The following DOCK4 variants were observed in gnomAD, a reference collection of about 807,000 sequenced individuals.
DOCK4 encodes the protein dedicator of cytokinesis 4.
A neutral mutation model predicts 268.1 loss-of-function variants in DOCK4; 97 were observed. The observed-to-expected ratio is 0.36, with a 90% CI of 0.31 to 0.43. DOCK4 has a LOEUF of 0.43. Among genes scored for constraint, DOCK4 ranks in the 20% least tolerant of loss-of-function variants. The pLI is 1.00. For synonymous variants in DOCK4, 954 were observed against 887.2 expected, an observed-to-expected ratio of 1.08 and a Z score of -1.34; for missense variants, 2,145 against 2,455.7, an observed-to-expected ratio of 0.87 and a Z score of 2.67.
chr7:112,039,218 T>C (rs541648384), intron 1 of DOCK4, among the ~76,000 whole-genome samples: 5 of 152,288 alleles, frequency 3.3e-5, no homozygotes, highest in African/African-American at 1.2e-4. Flanking sequence ...GATGTCGGAA[T>C]TGTCTCCAAC....
chr7:111,943,581 C>T (rs1261864254), intron 10 of DOCK4, among the ~76,000 whole-genome samples: 2 of 152,196 alleles, frequency 1.3e-5, no homozygotes, highest in Non-Finnish European at 2.9e-5. Flanking sequence ...ACTACCTCTG[C>T]CATCCTGAGA....
intron 1 of DOCK4, among the ~76,000 whole-genome samples, chr7:112,120,410 G>T (rs2115883580): frequency 6.6e-6 from 1 of 152,104 alleles, no homozygotes; most frequent in Non-Finnish European, 1.5e-5. Context: ...ACAAATTTTG[G>T]GTGAGGTTTA....
rs1327897334 is a variant in DOCK4, at chr7:111,989,844, T to C, written c.316-681A>G. Among the ~76,000 whole-genome samples, 4 of 152,360 alleles carry C rather than the reference T, an allele frequency of 2.6e-5. No individual in the cohort carries two copies. The South Asian group carries it at 6.2e-4, about 24-fold the overall frequency. ...AAATCCTGGTTTTGTCACTTACTAG[T>C]GGTACAGACTTTAAGTACCAATTTT... On this transcript the variant is annotated intron_variant, in intron 5 of 52. Coordinates refer to ENST00000428084, the MANE Select transcript of DOCK4 (RefSeq NM_001363540.2).
chr7:111,758,802 G>C lies in DOCK4; in HGVS notation c.4163-12C>G, dbSNP rs1797200201. On this transcript the variant is annotated splice_polypyrimidine_tract_variant and intron_variant, in intron 40 of 52. Transcript: ENST00000428084. ...ATATATCTGCAAATCTAGGATTCAA[G>C]AGTCAAGGAGAGAACCTGACTTGGC... 1.2e-6 allele frequency: 2 copies of C among 1,612,822 alleles called. No individual in the cohort carries two copies. The highest frequency in any genetic ancestry group is 2.2e-5 in the South Asian group (2 of 90,822).
At chr7:111,772,290 T>TA (rs1236934961) in intron 36 of DOCK4, among the ~76,000 whole-genome samples, 1 of 152,132 alleles carries the variant, frequency 6.6e-6, no homozygotes, top group African/African-American at 2.4e-5. Flanking sequence ...CATACGCCTG[T>TA]AGTCCCAGCT....
rs570801961 is a variant in DOCK4 at position 112,063,471 on chromosome 7, C to A, written c.38-59340G>T. 8.5e-5 allele frequency among the ~76,000 whole-genome samples: 13 copies of A among 152,276 alleles called. 1 individual carries two copies. In the Middle Eastern group the frequency reaches 0.01, roughly 120 times the overall value. On this transcript the variant is annotated intron_variant, in intron 1 of 52. Coordinates refer to ENST00000428084, the MANE Select transcript of DOCK4 (RefSeq NM_001363540.2). Reference sequence around the variant, plus strand: ...GCTCAGAACACTTACAGTAAGCCCACAATTGGGCAAAATCATCTACCACAA... The same window carrying A: ...GCTCAGAACACTTACAGTAAGCCCAAAATTGGGCAAAATCATCTACCACAA...
At chr7:112,082,640 A>G (rs1165240955) in intron 1 of DOCK4, among the ~76,000 whole-genome samples, 1 of 152,150 alleles carries the variant, frequency 6.6e-6, no homozygotes, top group Non-Finnish European at 1.5e-5. Context: ...AAGGAGATGT[A>G]GAGGTATTTA....
intron 1 of DOCK4, among the ~76,000 whole-genome samples, chr7:112,048,499 G>T (rs999845422): frequency 2.0e-5 from 3 of 151,312 alleles, no homozygotes; most frequent in Admixed American, 2.0e-4. Flanking sequence ...GGAGGCAGAG[G>T]TTGCAATAAG....
chr7:112,095,414 T>C (rs529845924), intron 1 of DOCK4, among the ~76,000 whole-genome samples: 56 of 149,010 alleles, frequency 3.8e-4, no homozygotes, highest in Admixed American at 1.1e-3. Context: ...CAAAAAGGAG[T>C]CAAACCTCAA....
rs149519305 is a variant in DOCK4, at chr7:112,193,046, C to T, written c.37+13056G>A. On this transcript the variant is annotated intron_variant, in intron 1 of 52. Transcript: ENST00000428084. The stretch of plus-strand genomic sequence containing the variant: ...AACAAAGTACTCCTAACCCAATGCC[C>T]CAACCAAAGTTTCATATAATAAAAC... Among the ~76,000 whole-genome samples, 595 of 152,214 alleles carry T rather than the reference C, an allele frequency of 3.9e-3. 13 individuals are homozygous for T. The highest frequency in any genetic ancestry group is 0.024 in the East Asian group (126 of 5,170).
chr7:111,945,189 G>GT (rs1379532732), intron 9 of DOCK4, among the ~76,000 whole-genome samples: 1 of 152,084 alleles, frequency 6.6e-6, no homozygotes, highest in Non-Finnish European at 1.5e-5. Flanking sequence ...TTTGTTTTTT[G>GT]TTTTTTGTTT....
chr7:112,111,015 G>A (rs1481558795), intron 1 of DOCK4, among the ~76,000 whole-genome samples: 1 of 152,222 alleles, frequency 6.6e-6, no homozygotes, highest in Non-Finnish European at 1.5e-5. Context: ...CCACCCTTGA[G>A]TGGAGTATAA....
At chr7:112,203,826 TACACACACACACACACACACACAC>T (rs3056587) in intron 1 of DOCK4, among the ~76,000 whole-genome samples, 1 of 146,892 alleles carries the variant, frequency 6.8e-6, no homozygotes, top group East Asian at 2.0e-4. Context: ...AAAATTTCAC[TACACACACACACACACACACACAC>T]ACACACACAC....
At chr7:111,876,751 T>TG (rs946031809) in intron 17 of DOCK4, among the ~76,000 whole-genome samples, 3 of 151,224 alleles carry the variant, frequency 2.0e-5, no homozygotes, top group Non-Finnish European at 4.4e-5. Flanking sequence ...TATTTTCGTT[T>TG]TTTTTTTTTT....
At chr7:111,973,840 G>A (rs1385963364) in intron 8 of DOCK4, among the ~76,000 whole-genome samples, 1 of 152,022 alleles carries the variant, frequency 6.6e-6, no homozygotes, top group Non-Finnish European at 1.5e-5. Flanking sequence ...CCTTACAATA[G>A]TCTACTTCTA....
intron 16 of DOCK4, among the ~76,000 whole-genome samples, chr7:111,881,420 G>T (rs908853277): frequency 6.6e-6 from 1 of 152,124 alleles, no homozygotes; most frequent in Non-Finnish European, 1.5e-5. Flanking sequence ...AAGACAGGCA[G>T]TAACAAATGC....
intron 1 of DOCK4, among the ~76,000 whole-genome samples, chr7:112,178,518 G>C (rs1471560705): frequency 6.6e-6 from 1 of 152,050 alleles, no homozygotes; most frequent in Non-Finnish European, 1.5e-5. Flanking sequence ...AACCTAGCCA[G>C]GAAATACCCA....
intron 30 of DOCK4, among the ~76,000 whole-genome samples, chr7:111,795,837 C>T (rs1171189657): frequency 6.6e-6 from 1 of 152,162 alleles, no homozygotes; most frequent in Non-Finnish European, 1.5e-5. Context: ...TTGGAATTTC[C>T]ATCCTCCTGG....
chr7:111,738,278 G>T (rs1222598499), intron 49 of DOCK4, among the ~76,000 whole-genome samples: 1 of 152,208 alleles, frequency 6.6e-6, no homozygotes, highest in African/African-American at 2.4e-5. Context: ...CGCATGAGCA[G>T]TTGACAGGGA....
Sources: gnomAD v4.1 joint callset for allele counts (sites outside exome capture counted in the v4.1 genomes callset) on GRCh38, gnomAD v4.1.1 for gene constraint, MANE v1.5 for transcripts, NCBI Gene and HGNC (gene_info 2026-07-23, HGNC 2026-07-21) for gene names.